The following PLXNB1 variants were observed in gnomAD, a reference collection of about 807,000 sequenced individuals.
PLXNB1 encodes the protein plexin-B1.
Under a neutral mutation model 209.4 loss-of-function variants are expected in PLXNB1, and 106 were observed. The ratio of observed to expected loss-of-function variants is 0.51; its 90% CI spans 0.43 to 0.59. The LOEUF is 0.59. PLXNB1 is among the 20% of genes least tolerant of loss of function. The pLI, the probability that PLXNB1 is intolerant of heterozygous loss-of-function variation, is 0.00. For synonymous variants in PLXNB1, 1,167 were observed against 1,183.2 expected, an observed-to-expected ratio of 0.99 and a Z score of 0.28; for missense variants, 2,357 against 2,853.2, an observed-to-expected ratio of 0.83 and a Z score of 3.96.
At chr3:48,425,936 G>C (rs1005623525) in intron 1 of PLXNB1, among the ~76,000 whole-genome samples, 32 of 152,000 alleles carry the variant, frequency 2.1e-4, no homozygotes, top group African/African-American at 6.5e-4. Context: ...CATCCATATA[G>C]AGACAACTCC....
In PLXNB1 at chr3:48,413,484, G is replaced by C; in HGVS notation, c.4535+186C>G. 1 of 625,016 alleles carries C rather than the reference G, an allele frequency of 1.6e-6. No homozygotes were observed. The highest frequency in any genetic ancestry group is 2.8e-6 in the Non-Finnish European group (1 of 362,182). 38.7% of individuals were successfully genotyped at this position (625,016 alleles called of 1,614,324 possible). A position where few individuals can be genotyped will look rare whatever the true frequency, so the allele number is the denominator to read the frequency against. ...TTCATGTGTTTCCATGTCGTCCCTGGCTGCCTTTGTGCCACAGTGGCAAAG... is the reference window on the plus strand; with the variant it reads ...TTCATGTGTTTCCATGTCGTCCCTGCCTGCCTTTGTGCCACAGTGGCAAAG... On this transcript the variant is annotated intron_variant, in intron 23 of 37. Coordinates refer to ENST00000296440, the MANE Select transcript of PLXNB1 (RefSeq NM_001130082.3). This position sits in a 1 kb window ranked among gnomAD's most constrained non-coding sequence, Gnocchi z 5.4.
At chr3:48,408,157 C>T (rs1387739824) in intron 34 of PLXNB1, among the ~76,000 whole-genome samples, 1 of 152,076 alleles carries the variant, frequency 6.6e-6, no homozygotes, top group Non-Finnish European at 1.5e-5. Context: ...ACCACAGGCA[C>T]ACACCACCAC....
At position 48,410,395 on chromosome 3, in the gene PLXNB1, T is replaced by C. The variant is rs370600939; in HGVS notation, c.5521-15A>G. On this transcript the variant is annotated splice_polypyrimidine_tract_variant and intron_variant, in intron 30 of 37. Coordinates refer to ENST00000296440, the MANE Select transcript of PLXNB1 (RefSeq NM_001130082.3). This position sits in a 1 kb window ranked among gnomAD's most constrained non-coding sequence, Gnocchi z 6.4. ...CCATCTGGGACCTGCTGAGCACAGC[T>C]GGTGATCCCTCCACCAGTCCCACCC... 1.9e-5 allele frequency: 31 copies of C among 1,609,928 alleles called. No homozygotes were observed. Among genetic ancestry groups the C allele is most frequent in the Non-Finnish European group, 2.5e-5 (29 of 1,176,382 alleles).
In PLXNB1 at chr3:48,405,654, G is replaced by A; in HGVS notation, c.6303+70C>T. On this transcript the variant is annotated intron_variant, in intron 37 of 37. Transcript: ENST00000296440. The surrounding 1 kb of genome is among the most constrained non-coding windows in gnomAD (Gnocchi z 5.0). Reference sequence around the variant, plus strand: ...CCAAAGCCCCCAACGTGAGTCACAGGGTCAGAGCCCCTTAAGTCTCCTGGG... The same window carrying A: ...CCAAAGCCCCCAACGTGAGTCACAGAGTCAGAGCCCCTTAAGTCTCCTGGG... 1 of 1,235,654 alleles carries A rather than the reference G, an allele frequency of 8.1e-7. No individual in the cohort carries two copies. The allele number at this position is 1,235,654 out of a possible 1,614,324, so 76.5% of individuals were successfully genotyped here.
In PLXNB1 at chr3:48,417,590, G is replaced by C. The variant is rs1012280371; in HGVS notation, c.3374+321C>G. Among the ~76,000 whole-genome samples, 3 of 152,200 alleles carry C rather than the reference G, an allele frequency of 2.0e-5. No individual in the cohort carries two copies. The highest frequency in any genetic ancestry group is 2.0e-4 in the Admixed American group (3 of 15,282). On this transcript the variant is annotated intron_variant, in intron 16 of 37. Transcript: ENST00000296440. The surrounding 1 kb of genome is among the most constrained non-coding windows in gnomAD (Gnocchi z 4.4). ...GCCCCTGAGCTTATCTGTCTGATCTGAGGGTCCTGCTGCCACAGCTATTAA... is the reference window on the plus strand; with the variant it reads ...GCCCCTGAGCTTATCTGTCTGATCTCAGGGTCCTGCTGCCACAGCTATTAA...
In PLXNB1 at chr3:48,405,868, C is replaced by T; in HGVS notation, c.6229-70G>A. ...GAGAGCCACAGGAGGCAGCCCAGGACCCCAGGGAAGGGCTGGGGGAGAAGG... is the reference window on the plus strand; with the variant it reads ...GAGAGCCACAGGAGGCAGCCCAGGATCCCAGGGAAGGGCTGGGGGAGAAGG... On this transcript the variant is annotated intron_variant, in intron 36 of 37. Transcript: ENST00000296440. This position sits in a 1 kb window ranked among gnomAD's most constrained non-coding sequence, Gnocchi z 5.0. The T allele has an allele frequency of 7.7e-7, 1 of 1,298,026 alleles. No homozygotes were observed. Among genetic ancestry groups the T allele is most frequent in the Non-Finnish European group, 1.1e-6 (1 of 902,802 alleles). 80.4% of individuals were successfully genotyped at this position (1,298,026 alleles called of 1,614,324 possible).
Position 48,423,937 on chromosome 3 carries a change from C to T in PLXNB1, c.675G>A (p.Gly225=), listed in dbSNP as rs781771939. 1.2e-6 allele frequency: 2 copies of T among 1,614,134 alleles called. No homozygotes were observed. Among genetic ancestry groups the T allele is most frequent in the Non-Finnish European group, 8.5e-7 (1 of 1,180,024 alleles). The part of the protein sequence containing the change: ...SHHFVSAFAR[G]ASAYFLFLRR... ...GCAGGAACAGGAAGTAGGCGCTGGC[C>T]CCACGTGCAAAGGCACTCACGAAGT... Residue 225 remains glycine, a synonymous_variant, in exon 3 of 38, where the codon GGG becomes GGA. Transcript: ENST00000296440.
At position 48,411,019 on chromosome 3, in the gene PLXNB1, C is replaced by A; in HGVS notation, c.5265G>T (p.Leu1755Phe). 1.9e-6 allele frequency: 3 copies of A among 1,613,562 alleles called. No homozygotes were observed. The highest frequency in any genetic ancestry group is 2.5e-6 in the Non-Finnish European group (3 of 1,179,860). ...EYRPLTLNALLAVGPGAGEAQ... is the reference protein window; with the variant it reads ...EYRPLTLNALFAVGPGAGEAQ... ...CCTCTCCTGCCCCAGGCCCCACAGCCAATAGTGCATTCAAGGTCTGTGCAG... is the reference window on the plus strand; with the variant it reads ...CCTCTCCTGCCCCAGGCCCCACAGCAAATAGTGCATTCAAGGTCTGTGCAG... The change falls in exon 29 of 38, where the codon TTG becomes TTT. Residue 1755 changes from leucine (L) to phenylalanine (F), a missense_variant. Leu to Phe is a conservative substitution (Grantham distance 22). This residue lies in a region of PLXNB1 where 414 missense variants were observed against 520.5 expected (regional missense o/e 0.80). Transcript: ENST00000296440. This position sits in a 1 kb window ranked among gnomAD's most constrained non-coding sequence, Gnocchi z 4.0.
In PLXNB1 at chr3:48,421,580, A is replaced by G. The variant is rs574208185; in HGVS notation, c.1653+94T>C. On this transcript the variant is annotated intron_variant, in intron 7 of 37. Coordinates refer to ENST00000296440, the MANE Select transcript of PLXNB1 (RefSeq NM_001130082.3). ...AGTGACTTGTGTGAGGCCATGTGGT[A>G]TCTGGCATGTCCGACATCAGGATCC... is the stretch of plus-strand genomic sequence containing the variant. The G allele has an allele frequency of 1.8e-5, 23 of 1,310,310 alleles. No homozygotes were observed. In the African/African-American group the frequency reaches 2.8e-4, roughly 16 times the overall value. The allele number at this position is 1,310,310 out of a possible 1,614,324, so 81.2% of individuals were successfully genotyped here.
rs1575408762 is a variant in PLXNB1, at chr3:48,423,036, C to A, written c.1108-89G>T. 2.6e-6 allele frequency: 3 copies of A among 1,163,516 alleles called. No individual in the cohort carries two copies. In the East Asian group the frequency reaches 7.3e-5, roughly 28 times the overall value. The allele number at this position is 1,163,516 out of a possible 1,614,324, so 72.1% of individuals were successfully genotyped here. ...TGGACAACCTCATTCCCTCCCCCAG[C>A]CGCTCTGGTAGCTCTCCCTGTACAA... is the stretch of plus-strand genomic sequence containing the variant. On this transcript the variant is annotated intron_variant, in intron 3 of 37. Coordinates refer to ENST00000296440, the MANE Select transcript of PLXNB1 (RefSeq NM_001130082.3).
At chr3:48,428,447 G>A (rs2039006863) in intron 1 of PLXNB1, among the ~76,000 whole-genome samples, 1 of 152,110 alleles carries the variant, frequency 6.6e-6, no homozygotes, top group African/African-American at 2.4e-5. Context: ...TTCAGGGGGC[G>A]CAAGACTGCC....
rs2038148783 is a variant in PLXNB1, at chr3:48,417,080, CA to C, written c.3375-630del. Among the ~76,000 whole-genome samples the C allele has an allele frequency of 6.6e-6, 1 of 152,176 alleles. No homozygotes were observed. The highest frequency in any genetic ancestry group is 2.4e-5 in the African/African-American group (1 of 41,438). On this transcript the variant is annotated intron_variant, in intron 16 of 37. Transcript: ENST00000296440. The surrounding 1 kb of genome is among the most constrained non-coding windows in gnomAD (Gnocchi z 4.4). ...TGAGCCACCCAGGGGAGGCTCCAGACAGAATATATGCTAATTGCTTCATAAA... is the reference window on the plus strand; with the variant it reads ...TGAGCCACCCAGGGGAGGCTCCAGACGAATATATGCTAATTGCTTCATAAA...
chr3:48,408,831 T>A (rs557678641), intron 34 of PLXNB1, among the ~76,000 whole-genome samples: 77 of 152,154 alleles, frequency 5.1e-4, no homozygotes, highest in African/African-American at 1.8e-3. Context: ...ATCCCCCACA[T>A]CCAACCTTCA....
rs2037690894 is a variant in PLXNB1 at position 48,411,644 on chromosome 3, C to T, written c.5247+219G>A. 6.6e-6 allele frequency among the ~76,000 whole-genome samples: 1 copy of T among 152,072 alleles called. No individual in the cohort carries two copies. The highest frequency in any genetic ancestry group is 2.1e-4 in the South Asian group (1 of 4,830). ...GTGGCTACCCTAGTTCCATCCCTAG[C>T]CTGGGGCACATAGAGGCCTTATCAT... On this transcript the variant is annotated intron_variant, in intron 28 of 37. Coordinates refer to ENST00000296440, the MANE Select transcript of PLXNB1 (RefSeq NM_001130082.3). The surrounding 1 kb of genome is among the most constrained non-coding windows in gnomAD (Gnocchi z 4.0).
Position 48,416,499 on chromosome 3 carries a change from C to A in PLXNB1, c.3375-48G>T. 1 of 1,347,432 alleles carries A rather than the reference C, an allele frequency of 7.4e-7. No individual in the cohort carries two copies. The highest frequency in any genetic ancestry group is 1.0e-6 in the Non-Finnish European group (1 of 957,926). The allele number at this position is 1,347,432 out of a possible 1,614,324, so 83.5% of individuals were successfully genotyped here. ...GGGGTGCCAGGCTGCATCAAGGGCCCCTCAAGCTTACCTGGCAGCCCCTCT... is the reference window on the plus strand; with the variant it reads ...GGGGTGCCAGGCTGCATCAAGGGCCACTCAAGCTTACCTGGCAGCCCCTCT... On this transcript the variant is annotated intron_variant, in intron 16 of 37. Coordinates refer to ENST00000296440, the MANE Select transcript of PLXNB1 (RefSeq NM_001130082.3). The surrounding 1 kb of genome is among the most constrained non-coding windows in gnomAD (Gnocchi z 4.1).
In PLXNB1 at chr3:48,422,537, G is replaced by A. The variant is rs937849108; in HGVS notation, c.1291-78C>T. 5.0e-5 allele frequency: 73 copies of A among 1,446,612 alleles called. 1 individual carries two copies. In the South Asian group the frequency reaches 6.9e-4, roughly 14 times the overall value. The allele number at this position is 1,446,612 out of a possible 1,614,324, so 89.6% of individuals were successfully genotyped here. A position where few individuals can be genotyped will look rare whatever the true frequency, so the allele number is the denominator to read the frequency against. ...AAGCCCTCCCCTCCTCCACCCAATC[G>A]AAGTAATTTACAAATAGAATTTCCT... On this transcript the variant is annotated intron_variant, in intron 4 of 37. Transcript: ENST00000296440.
In PLXNB1 at chr3:48,412,317, G is replaced by A. The variant is rs1361086693; in HGVS notation, c.5034-13C>T. ...CACAGTCTCTGTCCTGAGATGATGGGAAAGGGGAGTGCCAGGGTCAGCAGG... is the reference window on the plus strand; with the variant it reads ...CACAGTCTCTGTCCTGAGATGATGGAAAAGGGGAGTGCCAGGGTCAGCAGG... On this transcript the variant is annotated splice_polypyrimidine_tract_variant and intron_variant, in intron 26 of 37. Transcript: ENST00000296440. The A allele has an allele frequency of 1.9e-6, 3 of 1,614,008 alleles. No individual in the cohort carries two copies. In the South Asian group the frequency reaches 3.3e-5, roughly 18 times the overall value.
chr3:48,419,243 C>T lies in PLXNB1; in HGVS notation c.2832+1G>A, dbSNP rs1328011894. Reference sequence around the variant, plus strand: ...GACAGCGGCAGGCAGGACACACTGACCTGGAAAAGGTGCAGGTTCCTGCCT... The same window carrying T: ...GACAGCGGCAGGCAGGACACACTGATCTGGAAAAGGTGCAGGTTCCTGCCT... On this transcript the variant is annotated splice_donor_variant, in intron 12 of 37. Coordinates refer to ENST00000296440, the MANE Select transcript of PLXNB1 (RefSeq NM_001130082.3). LOFTEE classifies it high-confidence loss of function. This position sits in a 1 kb window ranked among gnomAD's most constrained non-coding sequence, Gnocchi z 5.7. 6.4e-7 allele frequency: 1 copy of T among 1,567,834 alleles called. No homozygotes were observed. The highest frequency in any genetic ancestry group is 1.2e-5 in the South Asian group (1 of 84,624).
Position 48,423,668 on chromosome 3 carries a change from GC to G in PLXNB1, c.943del (p.Ala315HisfsTer91). 6.2e-7 allele frequency: 1 copy of G among 1,613,410 alleles called. No homozygotes were observed. The highest frequency in any genetic ancestry group is 8.5e-7 in the Non-Finnish European group (1 of 1,179,850). On this transcript the variant is annotated frameshift_variant, in exon 3 of 38. Transcript: ENST00000296440. LOFTEE classifies it high-confidence loss of function. Reference sequence around the variant, plus strand: ...GGCACAGAGGGCAGAGGCTCCAGATGCCCCAGCAGCCGCCGATGGGGGCCGG... The same window carrying G: ...GGCACAGAGGGCAGAGGCTCCAGATGCCCAGCAGCCGCCGATGGGGGCCGG... ...VGRPPSAAAG[A>X]SGASALCAFP...
Sources: allele counts gnomAD v4.1 joint callset (sites outside exome capture counted in the v4.1 genomes callset), GRCh38; gene constraint gnomAD v4.1.1; regional missense constraint gnomAD v4.1.1; non-coding constraint Gnocchi (gnomAD v3.1); transcripts MANE v1.5; gene names NCBI Gene and HGNC (gene_info 2026-07-23, HGNC 2026-07-21).